Variants in GLG1 observed in about 807,000 individuals in gnomAD.
GLG1 encodes Golgi apparatus protein 1.
In GLG1, 38 loss-of-function variants were observed where a neutral mutation model predicts 160.5. The observed-to-expected ratio is 0.24, with a 90% CI of 0.18 to 0.31. The LOEUF is 0.31. Among genes scored for constraint, GLG1 ranks in the 10% least tolerant of loss-of-function variants. The pLI, the probability that GLG1 is intolerant of heterozygous loss-of-function variation, is 1.00. For missense variants in GLG1, 1,373 were observed against 1,505.2 expected, an observed-to-expected ratio of 0.91 and a Z score of 1.45; for synonymous variants, 644 against 543.4, an observed-to-expected ratio of 1.19 and a Z score of -2.57.
At position 74,546,837 on chromosome 16, in the gene GLG1, C is replaced by CAAAA. The variant is rs71376218; in HGVS notation, c.439-14688_439-14685dup. Among the ~76,000 whole-genome samples the CAAAA allele has an allele frequency of 8.9e-4, 53 of 59,698 alleles. 6 individuals are homozygous for CAAAA. Among genetic ancestry groups the CAAAA allele is most frequent in the South Asian group, 3.3e-3 (4 of 1,200 alleles). The allele number at this position is 59,698 out of a possible 152,430, so 39.2% of individuals were successfully genotyped here. ...TGGGCGACAGAGTGAGACTCCATCT[C>CAAAA]AAAAAAAAAAAAAAAAAAAGGATCC... is the stretch of plus-strand genomic sequence containing the variant. On this transcript the variant is annotated intron_variant, in intron 1 of 25. Coordinates refer to ENST00000422840, the MANE Select transcript of GLG1 (RefSeq NM_001145667.2).
At chr16:74,459,470 C>T (rs539343174) in intron 23 of GLG1, among the ~76,000 whole-genome samples, 3 of 152,040 alleles carry the variant, frequency 2.0e-5, no homozygotes. Context: ...GAGACTCCGT[C>T]TCAAAGAAAA....
At chr16:74,519,196 G>A (rs574051875) in intron 2 of GLG1, among the ~76,000 whole-genome samples, 30 of 152,130 alleles carry the variant, frequency 2.0e-4, no homozygotes, top group Non-Finnish European at 3.7e-4. Flanking sequence ...GGACATGGAT[G>A]AAGCTGGAAA....
At chr16:74,578,471 T>G (rs1957864733) in intron 1 of GLG1, among the ~76,000 whole-genome samples, 1 of 152,186 alleles carries the variant, frequency 6.6e-6, no homozygotes, top group Non-Finnish European at 1.5e-5. Flanking sequence ...AATGTCTAAT[T>G]TTTTTAAAAA....
chr16:74,494,331 G>A (rs564203615), intron 6 of GLG1, among the ~76,000 whole-genome samples: 38 of 151,734 alleles, frequency 2.5e-4, no homozygotes, highest in African/African-American at 7.3e-4. Flanking sequence ...CTCTGAAAGC[G>A]GTGAGCTTTA....
Position 74,452,277 on chromosome 16 carries a change from G to A in GLG1, c.*890C>T, listed in dbSNP as rs2014343629. On this transcript the variant is annotated 3_prime_UTR_variant, in exon 26 of 26. Transcript: ENST00000422840. ...TCCAGAGTGACTGTAGCCTCAGCAGGGCCGGTCCAGACATGGCTGAGTCCT... is the reference window on the plus strand; with the variant it reads ...TCCAGAGTGACTGTAGCCTCAGCAGAGCCGGTCCAGACATGGCTGAGTCCT... The A allele has an allele frequency of 2.7e-6, 4 of 1,470,274 alleles. No homozygotes were observed. The African/African-American group carries it at 4.2e-5, about 15-fold the overall frequency. The allele number at this position is 1,470,274 out of a possible 1,614,324, so 91.1% of individuals were successfully genotyped here. A position where few individuals can be genotyped will look rare whatever the true frequency, so the allele number is the denominator to read the frequency against.
intron 1 of GLG1, among the ~76,000 whole-genome samples, chr16:74,597,427 T>C (rs1240154107): frequency 8.1e-6 from 1 of 123,994 alleles, no homozygotes; most frequent in Non-Finnish European, 1.6e-5. Flanking sequence ...TGAGACTCCA[T>C]CTCAAAAAAA....
intron 24 of GLG1, 38 bp downstream of exon 24, chr16:74,457,836 G>C (rs762390578): frequency 1.2e-6 from 2 of 1,602,612 alleles, no homozygotes; most frequent in South Asian, 1.1e-5. Context: ...CTTCCCAAGA[G>C]AGTTCAGACA....
At chr16:74,538,569 G>A (rs2017747710) in intron 1 of GLG1, among the ~76,000 whole-genome samples, 1 of 152,162 alleles carries the variant, frequency 6.6e-6, no homozygotes, top group Non-Finnish European at 1.5e-5. Flanking sequence ...TAGTGGCTGA[G>A]TATTGTTTTT....
rs564558218 is a variant in GLG1, at chr16:74,583,400, C to T, written c.438+23257G>A. ...ACTTTGACTTTTTTGGGGGGTTGGG[C>T]GCAGAGTTTCGCTCTTGTCCCCCAA... is the stretch of plus-strand genomic sequence containing the variant. On this transcript the variant is annotated intron_variant, in intron 1 of 25. Transcript: ENST00000422840. Among the ~76,000 whole-genome samples the T allele has an allele frequency of 3.4e-4, 51 of 152,088 alleles. 1 individual carries two copies. Among genetic ancestry groups the T allele is most frequent in the African/African-American group, 1.2e-3 (48 of 41,532 alleles).
At chr16:74,523,995 C>T (rs1306236054) in intron 2 of GLG1, among the ~76,000 whole-genome samples, 1 of 152,092 alleles carries the variant, frequency 6.6e-6, no homozygotes, top group Non-Finnish European at 1.5e-5. Context: ...GGCACATCAC[C>T]TGAGGTCAGG....
At chr16:74,485,645 C>T (rs1411733100) in intron 9 of GLG1, 151 bp downstream of exon 9, 2 of 655,890 alleles carry the variant, frequency 3.0e-6, no homozygotes, top group Non-Finnish European at 5.3e-6. Flanking sequence ...CATTCCAATA[C>T]TAGTTTTAAT....
chr16:74,469,845 G>A lies in GLG1; in HGVS notation c.2318+140C>T, dbSNP rs560979380. ...TCCAGACAGTCCGAGTGTTTGCCAC[G>A]CTAATCAAAGGAGAGATGCGGGAGG... On this transcript the variant is annotated intron_variant, in intron 16 of 25. Transcript: ENST00000422840. The A allele has an allele frequency of 1.4e-3, 893 of 656,708 alleles. 12 individuals carry two copies. The highest frequency in any genetic ancestry group is 0.013 in the South Asian group (779 of 58,006). The allele number at this position is 656,708 out of a possible 1,614,324, so 40.7% of individuals were successfully genotyped here. A position where few individuals can be genotyped will look rare whatever the true frequency, so the allele number is the denominator to read the frequency against.
In GLG1 at chr16:74,488,372, T is replaced by A. The variant is rs535510623; in HGVS notation, c.1450-2455A>T. On this transcript the variant is annotated intron_variant, in intron 8 of 25. Coordinates refer to ENST00000422840, the MANE Select transcript of GLG1 (RefSeq NM_001145667.2). ...GCCTGGGCAACACGGCGAGACCCCA[T>A]CACTTAAAAAACAAAACAACAAAAA... 3.9e-5 allele frequency among the ~76,000 whole-genome samples: 6 copies of A among 152,156 alleles called. No individual in the cohort carries two copies. The South Asian group carries it at 1.2e-3, about 32-fold the overall frequency.
Position 74,528,961 on chromosome 16 carries a change from T to C in GLG1, c.471+3160A>G, listed in dbSNP as rs2017437388. Among the ~76,000 whole-genome samples, 6 of 137,876 alleles carry C rather than the reference T, an allele frequency of 4.4e-5. No homozygotes were observed. In the Admixed American group the frequency reaches 4.9e-4, roughly 11 times the overall value. 90.5% of individuals were successfully genotyped at this position (137,876 alleles called of 152,430 possible). A position where few individuals can be genotyped will look rare whatever the true frequency, so the allele number is the denominator to read the frequency against. On this transcript the variant is annotated intron_variant, in intron 2 of 25. Transcript: ENST00000422840. Reference sequence around the variant, plus strand: ...TCTTCGAATACTGCTTCTATCCCATTCTGTCTGCCTTTTTTTTTTTTTTGA... The same window carrying C: ...TCTTCGAATACTGCTTCTATCCCATCCTGTCTGCCTTTTTTTTTTTTTTGA...
chr16:74,493,209 G>T lies in GLG1; in HGVS notation c.1051-69C>A, dbSNP rs2016067231. ...CTTTACTGTTGACGTGTACCACTAA[G>T]ATGAGCACAGCGACTCAGCCAAGTA... is the stretch of plus-strand genomic sequence containing the variant. On this transcript the variant is annotated intron_variant, in intron 6 of 25. Transcript: ENST00000422840. 11 of 1,003,120 alleles carry T rather than the reference G, an allele frequency of 1.1e-5. No individual in the cohort carries two copies. The Middle Eastern group carries it at 6.4e-4, about 58-fold the overall frequency. 62.1% of individuals were successfully genotyped at this position (1,003,120 alleles called of 1,614,324 possible). A position where few individuals can be genotyped will look rare whatever the true frequency, so the allele number is the denominator to read the frequency against.
At chr16:74,523,875 G>C (rs1202182809) in intron 2 of GLG1, among the ~76,000 whole-genome samples, 3 of 151,974 alleles carry the variant, frequency 2.0e-5, no homozygotes, top group Admixed American at 6.6e-5. Flanking sequence ...TACCTCATCT[G>C]TAAATAATGA....
chr16:74,599,446 G>A (rs989974629), intron 1 of GLG1, among the ~76,000 whole-genome samples: 4 of 152,150 alleles, frequency 2.6e-5, no homozygotes, highest in Non-Finnish European at 5.9e-5. Flanking sequence ...GGCCAGGAGC[G>A]GTGGCTCACG....
intron 4 of GLG1, among the ~76,000 whole-genome samples, chr16:74,503,325 C>T (rs1033851944): frequency 1.3e-5 from 2 of 152,142 alleles, no homozygotes; most frequent in Admixed American, 6.5e-5. Context: ...AATTCCTCTG[C>T]TTCCCATACA....
intron 2 of GLG1, among the ~76,000 whole-genome samples, chr16:74,526,673 G>A (rs2017344905): frequency 1.3e-5 from 2 of 152,186 alleles, no homozygotes; most frequent in African/African-American, 4.8e-5. Context: ...GGAGTGAGCC[G>A]TGATCACACA....
Sources: allele counts gnomAD v4.1 joint callset (sites outside exome capture counted in the v4.1 genomes callset), GRCh38; gene constraint gnomAD v4.1.1; transcripts MANE v1.5; gene names NCBI Gene and HGNC (gene_info 2026-07-23, HGNC 2026-07-21).